TGFB2: variants seen among roughly 807,000 people sequenced by gnomAD.
The protein encoded by TGFB2 is transforming growth factor beta-2 proprotein.
A neutral mutation model predicts 42.7 loss-of-function variants in TGFB2; 13 were observed. That is an observed-to-expected ratio of 0.30 (90% CI 0.20 to 0.48). TGFB2 has a LOEUF of 0.48. Ranked by LOEUF, TGFB2 falls within the 20% of genes least tolerant of loss-of-function variation. TGFB2 has a pLI of 0.99. For synonymous variants in TGFB2, 193 were observed against 193.6 expected (o/e 1.00, Z 0.03); for missense variants, 390 against 517.5 (o/e 0.75, Z 2.39).
chr1:218,426,693 G>A (rs1182059693), intron 2 of TGFB2, among the ~76,000 whole-genome samples: 1 of 151,880 alleles, frequency 6.6e-6, no homozygotes, highest in African/African-American at 2.4e-5. Flanking sequence ...AACAGTTGTT[G>A]GTCAGTTAAA....
chr1:218,437,627 T>G (rs982075846), intron 6 of TGFB2, 131 bp downstream of exon 6: 19 of 1,004,360 alleles, frequency 1.9e-5, no homozygotes, highest in Non-Finnish European at 2.5e-5. Flanking sequence ...TGGAGAAAAA[T>G]CTTTCATTAG....
At chr1:218,407,503 T>A (rs886598657) in intron 2 of TGFB2, among the ~76,000 whole-genome samples, 1 of 152,174 alleles carries the variant, frequency 6.6e-6, no homozygotes, top group African/African-American at 2.4e-5. Flanking sequence ...GTAGCACCAA[T>A]GGGCCAGCCG....
rs371241859 is a variant in TGFB2 at position 218,346,937 on chromosome 1, A to G, written c.236A>G (p.Gln79Arg). ...TACAACAGCACCAGGGACTTGCTCC[A>G]GGAGAAGGCGAGCCGGAGGGCGGCC... Reference protein sequence around the residue: ...SIYNSTRDLLQEKASRRAAAC... With the variant: ...SIYNSTRDLLREKASRRAAAC... Residue 79 changes from glutamine to arginine, a missense_variant, in exon 1 of 7, where the codon CAG becomes CGG. Coordinates refer to ENST00000366930, the MANE Select transcript of TGFB2 (RefSeq NM_003238.6). The surrounding 1 kb of genome is among the most constrained non-coding windows in gnomAD (Gnocchi z 4.9). The G allele has an allele frequency of 1.1e-5, 18 of 1,614,148 alleles. No homozygotes were observed. Among genetic ancestry groups the G allele is most frequent in the Admixed American group, 1.0e-4 (6 of 60,028 alleles).
intron 2 of TGFB2, among the ~76,000 whole-genome samples, chr1:218,407,527 C>A (rs1240256783): frequency 1.3e-5 from 2 of 152,180 alleles, no homozygotes; most frequent in East Asian, 3.9e-4. Context: ...CTCGTCGCCC[C>A]AAGGTCAGAG....
In TGFB2 at chr1:218,415,695, AAAAG is replaced by A. The variant is rs1232187204; in HGVS notation, c.510+10367_510+10370del. Among the ~76,000 whole-genome samples the A allele has an allele frequency of 1.1e-4, 10 of 88,424 alleles. 1 individual carries two copies. The highest frequency in any genetic ancestry group is 6.8e-4 in the Admixed American group (5 of 7,338). The allele number at this position is 88,424 out of a possible 152,430, so 58.0% of individuals were successfully genotyped here. ...GGGCGACAGAGCGAGACTCTGTCTC[AAAAG>A]AAAAAAAAAAAAAAAAAAAAAAAAA... On this transcript the variant is annotated intron_variant, in intron 2 of 6. Coordinates refer to ENST00000366930, the MANE Select transcript of TGFB2 (RefSeq NM_003238.6).
At chr1:218,390,144 A>G (rs543897744) in intron 1 of TGFB2, among the ~76,000 whole-genome samples, 2 of 152,208 alleles carry the variant, frequency 1.3e-5, no homozygotes, top group African/African-American at 4.8e-5. Flanking sequence ...GAAGCACAGA[A>G]CAGCCATTGA....
chr1:218,391,400 A>G (rs1658312502), intron 1 of TGFB2, among the ~76,000 whole-genome samples: 1 of 152,228 alleles, frequency 6.6e-6, no homozygotes, highest in Non-Finnish European at 1.5e-5. Flanking sequence ...TGCCTAGTAC[A>G]GAAGAAGCAC....
At chr1:218,370,942 T>C (rs1657549681) in intron 1 of TGFB2, among the ~76,000 whole-genome samples, 1 of 152,096 alleles carries the variant, frequency 6.6e-6, no homozygotes, top group Admixed American at 6.6e-5. Context: ...TTTGAACAAA[T>C]GATACAGTCT....
chr1:218,434,025 T>G, intron 2 of TGFB2, 57 bp from the exon 3 acceptor site: 1 of 1,603,238 alleles, frequency 6.2e-7, no homozygotes, highest in Non-Finnish European at 8.5e-7. Flanking sequence ...AGTTTTGGTT[T>G]AGTCATGCTG....
intron 1 of TGFB2, among the ~76,000 whole-genome samples, chr1:218,388,721 C>T (rs1025375850): frequency 6.6e-6 from 1 of 152,214 alleles, no homozygotes; most frequent in African/African-American, 2.4e-5. Flanking sequence ...AGACATTGTA[C>T]ACTCTAAGGC....
chr1:218,444,201 G>T lies in TGFB2; in HGVS notation c.*2839G>T, dbSNP rs6704255. ...CAAGGATAGAAGAAATCCCTGTGCC[G>T]TCTTTTTATTCCCTTATTTATTGCT... On this transcript the variant is annotated 3_prime_UTR_variant, in exon 7 of 7. Coordinates refer to ENST00000366930, the MANE Select transcript of TGFB2 (RefSeq NM_003238.6). 2 of 151,866 alleles carry T rather than the reference G, an allele frequency of 1.3e-5. No individual in the cohort carries two copies. The highest frequency in any genetic ancestry group is 4.8e-5 in the African/African-American group (2 of 41,316). 9.4% of individuals were successfully genotyped at this position (151,866 alleles called of 1,614,324 possible). A position where few individuals can be genotyped will look rare whatever the true frequency, so the allele number is the denominator to read the frequency against.
At position 218,346,214 on chromosome 1, in the gene TGFB2, C is replaced by T. The variant is rs1015343855; in HGVS notation, c.-488C>T. 2 of 156,944 alleles carry T rather than the reference C, an allele frequency of 1.3e-5. No individual in the cohort carries two copies. The highest frequency in any genetic ancestry group is 6.5e-5 in the Admixed American group (1 of 15,326). 9.7% of individuals were successfully genotyped at this position (156,944 alleles called of 1,614,324 possible). A position where few individuals can be genotyped will look rare whatever the true frequency, so the allele number is the denominator to read the frequency against. Reference sequence around the variant, plus strand: ...TTCAGCCCAGGTCAGCCTCGGCGGCCCCCCTCACCGCGCTCCCGGCGCCCC... The same window carrying T: ...TTCAGCCCAGGTCAGCCTCGGCGGCTCCCCTCACCGCGCTCCCGGCGCCCC... On this transcript the variant is annotated 5_prime_UTR_variant, in exon 1 of 7. Coordinates refer to ENST00000366930, the MANE Select transcript of TGFB2 (RefSeq NM_003238.6). This position sits in a 1 kb window ranked among gnomAD's most constrained non-coding sequence, Gnocchi z 4.9.
chr1:218,404,108 G>A (rs576844189), intron 1 of TGFB2, among the ~76,000 whole-genome samples: 17 of 148,142 alleles, frequency 1.1e-4, no homozygotes, highest in Non-Finnish European at 2.4e-4. Flanking sequence ...GAGCTTGATT[G>A]ATTGATTGAC....
chr1:218,427,921 A>G (rs1208293446), intron 2 of TGFB2, among the ~76,000 whole-genome samples: 1 of 152,162 alleles, frequency 6.6e-6, no homozygotes, highest in Non-Finnish European at 1.5e-5. Context: ...TGTCTTCCAC[A>G]ATGGTTGAAC....
intron 2 of TGFB2, among the ~76,000 whole-genome samples, chr1:218,431,248 G>C (rs898629987): frequency 9.9e-5 from 15 of 152,190 alleles, no homozygotes; most frequent in African/African-American, 3.4e-4. Context: ...GAGCCTACCA[G>C]TGCTCTGTGG....
intron 2 of TGFB2, among the ~76,000 whole-genome samples, chr1:218,429,328 G>A (rs920964017): frequency 2.0e-5 from 3 of 152,188 alleles, no homozygotes; most frequent in African/African-American, 4.8e-5. Context: ...AGTACCTTTT[G>A]TAAGTGGAAT....
intron 1 of TGFB2, among the ~76,000 whole-genome samples, chr1:218,354,241 T>C (rs1656960246): frequency 6.6e-6 from 1 of 152,166 alleles, no homozygotes; most frequent in African/African-American, 2.4e-5. Flanking sequence ...GAAGAATCTG[T>C]GAGTTCAAAG....
rs575861642 is a variant in TGFB2 at position 218,436,102 on chromosome 1, C to T, written c.887C>T (p.Thr296Ile). 1 of 1,613,956 alleles carries T rather than the reference C, an allele frequency of 6.2e-7. No homozygotes were observed. Among genetic ancestry groups the T allele is most frequent in the Non-Finnish European group, 8.5e-7 (1 of 1,179,930 alleles). Residue 296 changes from threonine to isoleucine, a missense_variant, in exon 5 of 7, where the codon ACC (threonine) becomes ATC (isoleucine). Transcript: ENST00000366930. ...LPSYRLESQQTNRRKKRALDA... is the reference protein window; with the variant it reads ...LPSYRLESQQINRRKKRALDA... ...TCCTACAGACTTGAGTCACAACAGA[C>T]CAACCGGCGGAAGAAGCGTGCTTTG...
At chr1:218,355,109 G>C (rs929458439) in intron 1 of TGFB2, among the ~76,000 whole-genome samples, 1 of 152,152 alleles carries the variant, frequency 6.6e-6, no homozygotes, top group Non-Finnish European at 1.5e-5. Context: ...CACCATGTTG[G>C]TCAGGCTGGT....
Sources: gnomAD v4.1 joint callset for allele counts (sites outside exome capture counted in the v4.1 genomes callset) on GRCh38, gnomAD v4.1.1 for gene constraint, Gnocchi (gnomAD v3.1) non-coding constraint, MANE v1.5 for transcripts, NCBI Gene and HGNC (gene_info 2026-07-23, HGNC 2026-07-21) for gene names.